The following FER variants were observed in gnomAD, a reference collection of about 807,000 sequenced individuals.
The protein encoded by FER is tyrosine-protein kinase Fer.
A neutral mutation model predicts 111.0 loss-of-function variants in FER; 63 were observed. The observed-to-expected ratio is 0.57, with a 90% CI of 0.46 to 0.70. FER has a LOEUF of 0.70. Among genes scored for constraint, FER ranks in the 30% least tolerant of loss-of-function variants. FER has a pLI of 0.00. For missense variants in FER, 914 were observed against 954.0 expected (o/e 0.96, Z 0.55); for synonymous variants, 327 against 313.9 (o/e 1.04, Z -0.44).
chr5:108,842,699 C>T (rs944908845), intron 5 of FER: 2 of 152,126 alleles, frequency 1.3e-5, no homozygotes, highest in Admixed American at 6.6e-5. Flanking sequence ...TGTGATACCT[C>T]CTTACTCCTG....
chr5:108,873,668 C>T (rs150897683), intron 8 of FER, among the ~76,000 whole-genome samples: 1 of 152,090 alleles, frequency 6.6e-6, no homozygotes, highest in Non-Finnish European at 1.5e-5. Flanking sequence ...ACAGGGGTCT[C>T]ACTTGACTAG....
Position 108,883,249 on chromosome 5 carries a change from A to G in FER, c.924-147A>G, listed in dbSNP as rs1469616317. On this transcript the variant is annotated intron_variant, in intron 8 of 19. Transcript: ENST00000281092. ...ACCTGAAATGTGTCTAATGCAACCA[A>G]AGAGCTGAAATTTTATTTTAGTTTG... 9 of 689,496 alleles carry G rather than the reference A, an allele frequency of 1.3e-5. No homozygotes were observed. In the South Asian group the frequency reaches 3.1e-4, roughly 24 times the overall value. The allele number at this position is 689,496 out of a possible 1,614,324, so 42.7% of individuals were successfully genotyped here.
intron 16 of FER, among the ~76,000 whole-genome samples, chr5:109,079,396 G>A (rs1776730113): frequency 6.6e-6 from 1 of 152,070 alleles, no homozygotes; most frequent in Non-Finnish European, 1.5e-5. Flanking sequence ...AGCAATTGAA[G>A]GCTTGTTTGA....
intron 4 of FER, among the ~76,000 whole-genome samples, 179 bp from the exon 5 acceptor site, chr5:108,835,529 T>G: frequency 6.6e-6 from 1 of 152,174 alleles, no homozygotes; most frequent in East Asian, 1.9e-4. Flanking sequence ...CACATGCTAT[T>G]GAATTTAGTA....
chr5:108,959,457 A>AAAGG, intron 13 of FER, 110 bp downstream of exon 13: 1 of 1,082,876 alleles, frequency 9.2e-7, no homozygotes, highest in Non-Finnish European at 1.2e-6. Context: ...GTTCAGAAAA[A>AAAGG]AAGTTTTGTT....
At position 108,930,834 on chromosome 5, in the gene FER, G is replaced by A. The variant is rs541739124; in HGVS notation, c.1237-15296G>A. ...TCACCATGTTGCCCAGACTGGGCTC[G>A]AACTCCTAACCTCAAGTGATCCATC... is the stretch of plus-strand genomic sequence containing the variant. On this transcript the variant is annotated intron_variant, in intron 10 of 19. Coordinates refer to ENST00000281092, the MANE Select transcript of FER (RefSeq NM_005246.4). Among the ~76,000 whole-genome samples the A allele has an allele frequency of 1.0e-3, 154 of 151,442 alleles. 1 individual carries two copies. The South Asian group carries it at 0.012, about 12-fold the overall frequency.
At chr5:108,795,542 TTTA>T (rs1755922882) in intron 2 of FER, among the ~76,000 whole-genome samples, 1 of 151,974 alleles carries the variant, frequency 6.6e-6, no homozygotes, top group Admixed American at 6.5e-5. Context: ...TTTATTCTCT[TTTA>T]TTCTTTTTTT....
intron 2 of FER, among the ~76,000 whole-genome samples, chr5:108,779,791 A>C (rs1165339618): frequency 6.6e-6 from 1 of 152,134 alleles, no homozygotes; most frequent in African/African-American, 2.4e-5. Flanking sequence ...TCTCCTTCTT[A>C]TCTCACTGCA....
chr5:108,837,851 G>T (rs1038534917), intron 5 of FER, among the ~76,000 whole-genome samples: 2 of 152,062 alleles, frequency 1.3e-5, no homozygotes, highest in Non-Finnish European at 2.9e-5. Context: ...GATCATACTT[G>T]TAATAAATTG....
At chr5:109,039,860 A>G (rs1311317183) in intron 14 of FER, among the ~76,000 whole-genome samples, 1 of 152,090 alleles carries the variant, frequency 6.6e-6, no homozygotes, top group Non-Finnish European at 1.5e-5. Flanking sequence ...GAGGAATGGC[A>G]TGATCTTTTT....
intron 2 of FER, among the ~76,000 whole-genome samples, chr5:108,780,004 A>C (rs1753880918): frequency 6.6e-6 from 1 of 152,218 alleles, no homozygotes; most frequent in African/African-American, 2.4e-5. Flanking sequence ...ATAATCGAAT[A>C]TATTGTTGCT....
intron 5 of FER, among the ~76,000 whole-genome samples, chr5:108,856,909 T>G (rs2150203259): frequency 6.6e-6 from 1 of 152,210 alleles, no homozygotes; most frequent in South Asian, 2.1e-4. Flanking sequence ...ATTGTTGAGG[T>G]TTCTTATCTG....
intron 3 of FER, among the ~76,000 whole-genome samples, chr5:108,803,128 C>G (rs546907886): frequency 3.9e-5 from 6 of 152,172 alleles, no homozygotes; most frequent in Admixed American, 3.9e-4. Context: ...TGTTTGTTGG[C>G]CACTTGTATG....
At chr5:108,819,904 A>C in intron 3 of FER, 1 of 985,362 alleles carries the variant, frequency 1.0e-6, no homozygotes, top group Non-Finnish European at 1.2e-6. Flanking sequence ...GTAGATGAAA[A>C]GGTTGATTGG....
At chr5:108,957,067 A>G (rs1304870123) in intron 12 of FER, among the ~76,000 whole-genome samples, 1 of 151,634 alleles carries the variant, frequency 6.6e-6, no homozygotes, top group African/African-American at 2.4e-5. Context: ...TTGGAGTTAG[A>G]ACACTTGGCT....
At chr5:108,782,147 T>A (rs1379202135) in intron 2 of FER, among the ~76,000 whole-genome samples, 2 of 152,232 alleles carry the variant, frequency 1.3e-5, no homozygotes, top group African/African-American at 4.8e-5. Flanking sequence ...ATGGGATTCT[T>A]TGCAGTCACC....
chr5:109,047,049 A>G, intron 15 of FER, 55 bp from the exon 16 acceptor site: 1 of 996,734 alleles, frequency 1.0e-6, no homozygotes, highest in Non-Finnish European at 1.5e-6. Flanking sequence ...TGTGATCACA[A>G]ATTAATGCTT....
rs925142437 is a variant in FER, at chr5:108,802,498, C to T, written c.207+4109C>T. On this transcript the variant is annotated intron_variant, in intron 3 of 19. Coordinates refer to ENST00000281092, the MANE Select transcript of FER (RefSeq NM_005246.4). ...AATACCCAATAGTTTTTCAGCCTTTCCCCCCGTCCTTCCCTCTCCCCTCTA... is the reference window on the plus strand; with the variant it reads ...AATACCCAATAGTTTTTCAGCCTTTTCCCCCGTCCTTCCCTCTCCCCTCTA... Among the ~76,000 whole-genome samples the T allele has an allele frequency of 3.9e-5, 6 of 151,918 alleles. No homozygotes were observed. In the East Asian group the frequency reaches 1.2e-3, roughly 29 times the overall value.
At chr5:108,809,792 G>C (rs1315042845) in intron 3 of FER, among the ~76,000 whole-genome samples, 2 of 152,056 alleles carry the variant, frequency 1.3e-5, no homozygotes, top group East Asian at 3.9e-4. Flanking sequence ...CAAACTTCTG[G>C]GCTCAAGTGA....
Sources: gnomAD v4.1 joint callset for allele counts (sites outside exome capture counted in the v4.1 genomes callset) on GRCh38, gnomAD v4.1.1 for gene constraint, MANE v1.5 for transcripts, NCBI Gene and HGNC (gene_info 2026-07-23, HGNC 2026-07-21) for gene names.